The following ASXL2 variants were observed in gnomAD, a reference collection of about 807,000 sequenced individuals.
ASXL2 encodes the protein ASXL transcriptional regulator 2, also known as putative Polycomb group protein ASXL2.
Under a neutral mutation model 122.0 loss-of-function variants are expected in ASXL2, and 23 were observed. The ratio of observed to expected loss-of-function variants is 0.19; its 90% confidence interval spans 0.14 to 0.27. ASXL2 has a LOEUF of 0.27. Among genes scored for constraint, ASXL2 ranks in the 10% least tolerant of loss-of-function variants. The pLI is 1.00. For missense variants in ASXL2, 1,518 were observed against 1,713.8 expected (o/e 0.89, Z 2.02); for synonymous variants, 650 against 637.0 (o/e 1.02, Z -0.31).
intron 1 of ASXL2, chr2:25,856,883 G>C (rs1431541215): frequency 2.8e-6 from 2 of 721,158 alleles, no homozygotes; most frequent in Non-Finnish European, 5.0e-6. Flanking sequence ...TCTGGTCAAA[G>C]GGGTCCTCGA....
At chr2:25,774,042 AAT>A (rs932073501) in intron 5 of ASXL2, among the ~76,000 whole-genome samples, 1 of 150,856 alleles carries the variant, frequency 6.6e-6, no homozygotes, top group Non-Finnish European at 1.5e-5. Flanking sequence ...AAGAAAAAAT[AAT>A]ATATATATAT....
chr2:25,786,327 G>A (rs866533073), intron 5 of ASXL2, among the ~76,000 whole-genome samples: 3 of 138,794 alleles, frequency 2.2e-5, no homozygotes, highest in Non-Finnish European at 3.0e-5. Flanking sequence ...TGGAACCTCC[G>A]CCTCCCAGGT....
At chr2:25,797,172 C>A (rs1438204532) in intron 5 of ASXL2, among the ~76,000 whole-genome samples, 1 of 152,144 alleles carries the variant, frequency 6.6e-6, no homozygotes. Flanking sequence ...GCTGGATGGG[C>A]GCAGTGGCTC....
At chr2:25,849,244 C>A (rs1386988728) in intron 1 of ASXL2, among the ~76,000 whole-genome samples, 1 of 150,220 alleles carries the variant, frequency 6.7e-6, no homozygotes, top group Non-Finnish European at 1.5e-5. Flanking sequence ...TCAAGACCAG[C>A]CTGGCCAACA....
chr2:25,867,432 T>C (rs1234602508), intron 1 of ASXL2, among the ~76,000 whole-genome samples: 1 of 151,802 alleles, frequency 6.6e-6, no homozygotes, highest in Non-Finnish European at 1.5e-5. Context: ...ACACAGGCTC[T>C]ACAAAAAACA....
chr2:25,862,927 A>G (rs553139612), intron 1 of ASXL2, among the ~76,000 whole-genome samples: 6 of 152,218 alleles, frequency 3.9e-5, no homozygotes, highest in Admixed American at 2.0e-4. Flanking sequence ...TTTTTAGAAG[A>G]CATTAATTCT....
chr2:25,873,605 A>C (rs918412708), intron 1 of ASXL2, among the ~76,000 whole-genome samples: 1 of 152,044 alleles, frequency 6.6e-6, no homozygotes, highest in Non-Finnish European at 1.5e-5. Flanking sequence ...TCTTGTGTAC[A>C]TTCAAAATAA....
At chr2:25,854,254 A>T (rs2089751907) in intron 1 of ASXL2, among the ~76,000 whole-genome samples, 1 of 152,058 alleles carries the variant, frequency 6.6e-6, no homozygotes, top group African/African-American at 2.4e-5. Flanking sequence ...CTCTCTTCAA[A>T]CTCTTTAGAG....
chr2:25,779,931 G>C (rs111896646), intron 5 of ASXL2, among the ~76,000 whole-genome samples: 1 of 152,004 alleles, frequency 6.6e-6, no homozygotes, highest in African/African-American at 2.4e-5. Context: ...GCAATGGCAC[G>C]ATCTTGGCTT....
intron 1 of ASXL2, among the ~76,000 whole-genome samples, chr2:25,846,083 C>T (rs1029830125): frequency 1.3e-5 from 2 of 152,142 alleles, no homozygotes; most frequent in Admixed American, 6.6e-5. Context: ...CTGGTAGCTC[C>T]CCTGAGCCTG....
intron 5 of ASXL2, among the ~76,000 whole-genome samples, chr2:25,799,091 T>C (rs772789879): frequency 2.4e-4 from 36 of 152,176 alleles, no homozygotes; most frequent in Non-Finnish European, 4.7e-4. Context: ...CTCAATTTTA[T>C]TGTGAACCTG....
chr2:25,753,765 C>T (rs2088086314), intron 10 of ASXL2, 126 bp from the exon 11 acceptor site: 1 of 706,790 alleles, frequency 1.4e-6, no homozygotes, highest in Admixed American at 2.6e-5. Flanking sequence ...AGAAACTCCT[C>T]AAACCTCCTC....
intron 3 of ASXL2, chr2:25,809,817 G>A (rs2089139446): frequency 6.9e-6 from 3 of 435,746 alleles, no homozygotes; most frequent in South Asian, 3.6e-5. Flanking sequence ...TGGGGGCAGC[G>A]AAAGGAGAAA....
chr2:25,741,883 C>T lies in ASXL2; in HGVS notation c.*146G>A, dbSNP rs753688750. On this transcript the variant is annotated 3_prime_UTR_variant, in exon 13 of 13. Transcript: ENST00000435504. ...TCCTCTAAAATGTAAAAAATCTGTA[C>T]TTTGTATTCCTGATTAAGTAACATT... 1 of 749,684 alleles carries T rather than the reference C, an allele frequency of 1.3e-6. No individual in the cohort carries two copies. Among genetic ancestry groups the T allele is most frequent in the Non-Finnish European group, 2.1e-6 (1 of 473,488 alleles). 46.4% of individuals were successfully genotyped at this position (749,684 alleles called of 1,614,324 possible). A position where few individuals can be genotyped will look rare whatever the true frequency, so the allele number is the denominator to read the frequency against.
chr2:25,863,897 T>A (rs1445450314), intron 1 of ASXL2, among the ~76,000 whole-genome samples: 2 of 149,984 alleles, frequency 1.3e-5, no homozygotes, highest in Non-Finnish European at 3.0e-5. Flanking sequence ...TCCCAGCTAC[T>A]CGGAAGGCTG....
rs959542915 is a variant in ASXL2, at chr2:25,745,865, C to T, written c.1861-1389G>A. 8.6e-5 allele frequency among the ~76,000 whole-genome samples: 13 copies of T among 150,430 alleles called. No homozygotes were observed. In the South Asian group the frequency reaches 1.9e-3, roughly 22 times the overall value. ...TTCACCATGTTGGCCAGGATGGTCT[C>T]GAACTCCTGACTTCAAGTGATCCAC... On this transcript the variant is annotated intron_variant, in intron 12 of 12. Coordinates refer to ENST00000435504, the MANE Select transcript of ASXL2 (RefSeq NM_018263.6).
intron 5 of ASXL2, among the ~76,000 whole-genome samples, chr2:25,774,873 A>G (rs1197788324): frequency 2.0e-5 from 3 of 152,034 alleles, no homozygotes; most frequent in Admixed American, 6.6e-5. Context: ...TTTCATTTCA[A>G]TCTCCTGGTT....
In ASXL2 at chr2:25,807,986, TAC is replaced by T. The variant is rs147273836; in HGVS notation, c.144-1651_144-1650del. 0.012 allele frequency among the ~76,000 whole-genome samples: 1,545 copies of T among 131,770 alleles called. 47 individuals are homozygous for T. In the East Asian group the frequency reaches 0.12, roughly 11 times the overall value. The allele number at this position is 131,770 out of a possible 152,430, so 86.4% of individuals were successfully genotyped here. On this transcript the variant is annotated intron_variant, in intron 3 of 12. Coordinates refer to ENST00000435504, the MANE Select transcript of ASXL2 (RefSeq NM_018263.6). ...TAATTGGTTTAAATTAATCAGCTTT[TAC>T]ACACACACACACACACACACACACA...
intron 3 of ASXL2, among the ~76,000 whole-genome samples, chr2:25,821,193 CA>C (rs1182372256): frequency 6.6e-6 from 1 of 151,504 alleles, no homozygotes; most frequent in African/African-American, 2.4e-5. Context: ...AAGAAAAAAT[CA>C]AAAAAATAAA....
Sources: allele counts gnomAD v4.1 joint callset (sites outside exome capture counted in the v4.1 genomes callset), GRCh38; gene constraint gnomAD v4.1.1; transcripts MANE v1.5; gene names NCBI Gene and HGNC (gene_info 2026-07-23, HGNC 2026-07-21).